DEPTOR: variants seen among roughly 807,000 people sequenced by gnomAD.
DEPTOR encodes the protein DEP domain containing MTOR interacting protein.
Under a neutral mutation model 41.6 loss-of-function variants are expected in DEPTOR, and 41 were observed. The ratio of observed to expected loss-of-function variants is 0.98; its 90% CI spans 0.77 to 1.28. The LOEUF (loss-of-function observed/expected upper bound fraction) is 1.28. Ranked by LOEUF, DEPTOR falls within the 50% of genes most tolerant of loss-of-function variation. The pLI is 0.00. For synonymous variants in DEPTOR, 195 were observed against 192.3 expected (o/e 1.01, Z -0.12); for missense variants, 514 against 527.9 (o/e 0.97, Z 0.26).
At chr8:119,885,888 C>T (rs114948703) in intron 1 of DEPTOR, among the ~76,000 whole-genome samples, 2,840 of 151,914 alleles carry the variant, frequency 0.019, 88 homozygotes, top group African/African-American at 0.064. Flanking sequence ...TTTCAGAGTA[C>T]GTTGTAGACA....
intron 1 of DEPTOR, among the ~76,000 whole-genome samples, chr8:119,910,943 G>A (rs10217077): frequency 6.6e-6 from 1 of 151,640 alleles, no homozygotes; most frequent in Non-Finnish European, 1.5e-5. Flanking sequence ...TCCTAGAGGG[G>A]TGTGTGTGTG....
intron 4 of DEPTOR, among the ~76,000 whole-genome samples, chr8:119,993,916 G>C (rs1812213406): frequency 1.3e-5 from 2 of 152,000 alleles, no homozygotes; most frequent in Admixed American, 6.6e-5. Flanking sequence ...TAGCACTTTG[G>C]GAGACTGAGG....
chr8:119,906,021 G>C (rs972326423), intron 1 of DEPTOR, among the ~76,000 whole-genome samples: 2 of 152,036 alleles, frequency 1.3e-5, no homozygotes, highest in South Asian at 4.1e-4. Context: ...TCTCGAACTC[G>C]GGCTCAAGCA....
rs189154237 is a variant in DEPTOR at position 119,944,054 on chromosome 8, A to G, written c.425+14116A>G. Among the ~76,000 whole-genome samples, 487 of 152,068 alleles carry G rather than the reference A, an allele frequency of 3.2e-3. 4 individuals are homozygous for G. Among genetic ancestry groups the G allele is most frequent in the Middle Eastern group, 0.017 (5 of 294 alleles). On this transcript the variant is annotated intron_variant, in intron 3 of 8. Transcript: ENST00000286234. Reference sequence around the variant, plus strand: ...ACAGGGTTTCACCGTGTTAGCCAGGATGGTCTCGGTCTCCTGACCTCGTGA... The same window carrying G: ...ACAGGGTTTCACCGTGTTAGCCAGGGTGGTCTCGGTCTCCTGACCTCGTGA...
At chr8:120,014,067 T>C (rs1209737023) in intron 8 of DEPTOR, among the ~76,000 whole-genome samples, 2 of 152,114 alleles carry the variant, frequency 1.3e-5, no homozygotes, top group Non-Finnish European at 2.9e-5. Context: ...CAAGCATCTT[T>C]GAATTTGAGC....
rs1031354115 is a variant in DEPTOR at position 119,882,182 on chromosome 8, C to T, written c.122+8214C>T. ...CTGGGATTACAGGGATGAGCCACTG[C>T]GCTCGGCCTTGTAATTACTTTTCTA... On this transcript the variant is annotated intron_variant, in intron 1 of 8. Coordinates refer to ENST00000286234, the MANE Select transcript of DEPTOR (RefSeq NM_022783.4). 4.3e-4 allele frequency among the ~76,000 whole-genome samples: 66 copies of T among 152,214 alleles called. 1 individual carries two copies. The highest frequency in any genetic ancestry group is 1.4e-3 in the African/African-American group (58 of 41,530).
intron 4 of DEPTOR, among the ~76,000 whole-genome samples, chr8:120,001,210 A>G (rs1309623169): frequency 6.6e-6 from 1 of 152,156 alleles, no homozygotes; most frequent in Non-Finnish European, 1.5e-5. Flanking sequence ...AGGGGCAGAC[A>G]GTGAGGGTGC....
At chr8:119,901,811 T>A (rs1238404993) in intron 1 of DEPTOR, among the ~76,000 whole-genome samples, 1 of 152,170 alleles carries the variant, frequency 6.6e-6, no homozygotes, top group African/African-American at 2.4e-5. Flanking sequence ...GTCTGTAGAA[T>A]CACAAGGAAC....
intron 4 of DEPTOR, among the ~76,000 whole-genome samples, chr8:119,994,570 G>GT (rs34182976): frequency 1.3e-5 from 2 of 152,070 alleles, no homozygotes; most frequent in African/African-American, 4.8e-5. Flanking sequence ...GATTTCATAC[G>GT]TTTTTCATAG....
chr8:119,980,124 C>T (rs1828743667), intron 4 of DEPTOR, among the ~76,000 whole-genome samples: 2 of 149,394 alleles, frequency 1.3e-5, no homozygotes, highest in African/African-American at 5.0e-5. Context: ...CCAAGACAAT[C>T]TACATATGTG....
chr8:119,951,477 T>C (rs1226860137), intron 3 of DEPTOR, among the ~76,000 whole-genome samples: 1 of 152,184 alleles, frequency 6.6e-6, no homozygotes, highest in African/African-American at 2.4e-5. Flanking sequence ...ATTCAGATTC[T>C]GAAAATGGCT....
In DEPTOR at chr8:119,929,932, A is replaced by G. The variant is rs900334558; in HGVS notation, c.419A>G (p.Tyr140Cys). ...VKAFMRGQRLYEKLMSPENTL... is the reference protein window; with the variant it reads ...VKAFMRGQRLCEKLMSPENTL... ...GCCTTTATGAGAGGACAGAGGCTAT[A>G]TGAAAAGTATGTTCCGCATGAAATC... is the stretch of plus-strand genomic sequence containing the variant. Residue 140 changes from tyrosine to cysteine, a missense_variant, in exon 3 of 9, where the codon TAT becomes TGT. Transcript: ENST00000286234. The G allele has an allele frequency of 8.1e-6, 13 of 1,611,532 alleles. No homozygotes were observed. Among genetic ancestry groups the G allele is most frequent in the Non-Finnish European group, 1.1e-5 (13 of 1,178,264 alleles).
At chr8:119,947,438 T>C (rs1828294313) in intron 3 of DEPTOR, among the ~76,000 whole-genome samples, 1 of 152,226 alleles carries the variant, frequency 6.6e-6, no homozygotes, top group Non-Finnish European at 1.5e-5. Flanking sequence ...ACCAAGCATC[T>C]GCCTGCACAC....
chr8:119,992,165 G>A (rs1475521115), intron 4 of DEPTOR, among the ~76,000 whole-genome samples: 1 of 152,176 alleles, frequency 6.6e-6, no homozygotes, highest in Admixed American at 6.5e-5. Context: ...AAAATAAGAG[G>A]AAAAGGAGTG....
chr8:119,881,152 A>C (rs188144788), intron 1 of DEPTOR, among the ~76,000 whole-genome samples: 227 of 152,318 alleles, frequency 1.5e-3, no homozygotes, highest in African/African-American at 5.2e-3. Flanking sequence ...TTGTCTTTTT[A>C]ATAAAAACGT....
intron 1 of DEPTOR, among the ~76,000 whole-genome samples, chr8:119,887,116 TC>T (rs1827375317): frequency 1.4e-3 from 14 of 9,862 alleles, no homozygotes; most frequent in Non-Finnish European, 1.9e-3. Context: ...TCCCCTCCCC[TC>T]CCCCTCCCCT....
chr8:120,014,810 A>G (rs1812585078), intron 8 of DEPTOR, among the ~76,000 whole-genome samples: 2 of 152,126 alleles, frequency 1.3e-5, no homozygotes, highest in Non-Finnish European at 2.9e-5. Flanking sequence ...GGCGTAAACC[A>G]CCATGCCCAA....
At chr8:119,932,235 T>G (rs1448964192) in intron 3 of DEPTOR, among the ~76,000 whole-genome samples, 1 of 152,134 alleles carries the variant, frequency 6.6e-6, no homozygotes, top group Non-Finnish European at 1.5e-5. Flanking sequence ...TCCTCTTGCC[T>G]TGGCCTCTCA....
chr8:119,947,439 G>A (rs1828294360), intron 3 of DEPTOR, among the ~76,000 whole-genome samples: 1 of 152,180 alleles, frequency 6.6e-6, no homozygotes, highest in Non-Finnish European at 1.5e-5. Flanking sequence ...CCAAGCATCT[G>A]CCTGCACACC....
Sources: gnomAD v4.1 joint callset for allele counts (sites outside exome capture counted in the v4.1 genomes callset) on GRCh38, gnomAD v4.1.1 for gene constraint, MANE v1.5 for transcripts, NCBI Gene and HGNC (gene_info 2026-07-23, HGNC 2026-07-21) for gene names.